The following PLGRKT variants were observed in gnomAD, a reference collection of about 807,000 sequenced individuals.
PLGRKT encodes plasminogen receptor with a C-terminal lysine.
PLGRKT carries 22 observed loss-of-function variants against 18.5 expected under a neutral mutation model. The observed-to-expected ratio is 1.19, with a 90% CI of 0.85 to 1.70. PLGRKT has a LOEUF of 1.70. Among genes scored for constraint, PLGRKT ranks in the 40% most tolerant of loss-of-function variants. PLGRKT has a pLI of 0.00. For missense variants in PLGRKT, 235 were observed against 174.4 expected, an observed-to-expected ratio of 1.35 and a Z score of -1.96; for synonymous variants, 72 against 52.8, an observed-to-expected ratio of 1.36 and a Z score of -1.58.
chr9:5,400,743 A>T (rs1818138689), intron 3 of PLGRKT, among the ~76,000 whole-genome samples: 1 of 152,032 alleles, frequency 6.6e-6, no homozygotes, highest in Non-Finnish European at 1.5e-5. Context: ...TTGTTTAATA[A>T]GCATTGAATA....
chr9:5,373,767 G>A (rs992368943), intron 3 of PLGRKT, among the ~76,000 whole-genome samples: 2 of 151,884 alleles, frequency 1.3e-5, no homozygotes, highest in East Asian at 1.9e-4. Flanking sequence ...ACTAGAGCAA[G>A]GCCCTGTTTC....
chr9:5,423,106 A>T (rs1185217985), intron 3 of PLGRKT, among the ~76,000 whole-genome samples: 1 of 152,204 alleles, frequency 6.6e-6, no homozygotes, highest in Non-Finnish European at 1.5e-5. Context: ...CTTAGAAAAC[A>T]TTTGAAGCCA....
intron 3 of PLGRKT, among the ~76,000 whole-genome samples, chr9:5,402,334 C>T (rs1454591691): frequency 6.6e-6 from 1 of 151,800 alleles, no homozygotes; most frequent in East Asian, 1.9e-4. Context: ...CACCCAGGGG[C>T]TGACAATAGC....
At chr9:5,394,798 T>A (rs1818014864) in intron 3 of PLGRKT, among the ~76,000 whole-genome samples, 1 of 151,910 alleles carries the variant, frequency 6.6e-6, no homozygotes, top group Non-Finnish European at 1.5e-5. Context: ...GTTTCCTGTA[T>A]CAGTGATTTA....
chr9:5,386,419 T>C (rs534583711), intron 3 of PLGRKT, among the ~76,000 whole-genome samples: 17 of 151,962 alleles, frequency 1.1e-4, no homozygotes, highest in African/African-American at 3.6e-4. Flanking sequence ...ATTGTCACAA[T>C]TGAAGTATGC....
At chr9:5,398,948 T>G (rs1048125412) in intron 3 of PLGRKT, among the ~76,000 whole-genome samples, 1 of 151,512 alleles carries the variant, frequency 6.6e-6, no homozygotes, top group African/African-American at 2.4e-5. Context: ...TAAAGGACAT[T>G]TTTATTAGTA....
chr9:5,429,965 G>A (rs1818788880), intron 3 of PLGRKT, among the ~76,000 whole-genome samples: 1 of 152,054 alleles, frequency 6.6e-6, no homozygotes, highest in Non-Finnish European at 1.5e-5. Flanking sequence ...CTCTCCCCCT[G>A]CCACAACCCA....
Position 5,359,660 on chromosome 9 carries a change from C to T in PLGRKT, c.323-1300G>A, listed in dbSNP as rs957932740. Among the ~76,000 whole-genome samples the T allele has an allele frequency of 1.3e-4, 20 of 152,076 alleles. 1 individual carries two copies. The highest frequency in any genetic ancestry group is 1.2e-3 in the Admixed American group (18 of 15,262). On this transcript the variant is annotated intron_variant, in intron 5 of 5. Transcript: ENST00000223864. ...TCATCACTATTAACATGGAAAAAAA[C>T]TATAATCTACATTTTCTAATGTGAT...
intron 3 of PLGRKT, among the ~76,000 whole-genome samples, chr9:5,368,137 T>A (rs1274826865): frequency 2.6e-5 from 4 of 152,212 alleles, no homozygotes; most frequent in Non-Finnish European, 5.9e-5. Flanking sequence ...TTGGTGGGAA[T>A]GTAAATTAAT....
chr9:5,418,684 C>T lies in PLGRKT; in HGVS notation c.81+13213G>A, dbSNP rs1257661510. ...GGAGATGGGCAGGGGCAGCATGTAG[C>T]ACCCACTGCCGGGAAGTCTGATGAA... is the stretch of plus-strand genomic sequence containing the variant. On this transcript the variant is annotated intron_variant, in intron 3 of 5. Coordinates refer to ENST00000223864, the MANE Select transcript of PLGRKT (RefSeq NM_018465.4). The surrounding 1 kb of genome is among the most constrained non-coding windows in gnomAD (Gnocchi z 4.2). 3.0e-6 allele frequency: 2 copies of T among 664,806 alleles called. No individual in the cohort carries two copies. The highest frequency in any genetic ancestry group is 1.8e-5 in the African/African-American group (1 of 56,106). The allele number at this position is 664,806 out of a possible 1,614,324, so 41.2% of individuals were successfully genotyped here.
intron 3 of PLGRKT, among the ~76,000 whole-genome samples, chr9:5,424,691 T>TACACACAC (rs1554634194): frequency 8.5e-5 from 6 of 70,470 alleles, no homozygotes; most frequent in African/African-American, 3.7e-4. Context: ...TATATATATA[T>TACACACAC]ACACACAGGG....
intron 5 of PLGRKT, among the ~76,000 whole-genome samples, chr9:5,358,820 GTTC>G (rs753132487): frequency 1.3e-5 from 2 of 152,062 alleles, no homozygotes; most frequent in Non-Finnish European, 2.9e-5. Flanking sequence ...AATATTAAAT[GTTC>G]TTCAGTCTGT....
At chr9:5,415,353 G>A (rs946972052) in intron 3 of PLGRKT, among the ~76,000 whole-genome samples, 45 of 151,708 alleles carry the variant, frequency 3.0e-4, no homozygotes, top group Non-Finnish European at 3.1e-4. Flanking sequence ...CACAAAGAAG[G>A]GACAGCTCTT....
At chr9:5,390,070 C>G (rs1276928449) in intron 3 of PLGRKT, among the ~76,000 whole-genome samples, 1 of 151,662 alleles carries the variant, frequency 6.6e-6, no homozygotes, top group Non-Finnish European at 1.5e-5. Context: ...GTCAAAGGAA[C>G]CAATGCAGGC....
chr9:5,418,113 T>C lies in PLGRKT; in HGVS notation c.81+13784A>G, dbSNP rs1051499535. ...AAATCAGAAATTACAGTCCATTGAA[T>C]ACATGATTATGAGGATGCATGCAAT... On this transcript the variant is annotated intron_variant, in intron 3 of 5. Coordinates refer to ENST00000223864, the MANE Select transcript of PLGRKT (RefSeq NM_018465.4). This position sits in a 1 kb window ranked among gnomAD's most constrained non-coding sequence, Gnocchi z 4.2. Among the ~76,000 whole-genome samples the C allele has an allele frequency of 6.6e-6, 1 of 152,212 alleles. No homozygotes were observed. Among genetic ancestry groups the C allele is most frequent in the Non-Finnish European group, 1.5e-5 (1 of 68,040 alleles).
intron 2 of PLGRKT, among the ~76,000 whole-genome samples, chr9:5,435,045 T>C (rs1042244592): frequency 1.3e-5 from 2 of 151,914 alleles, no homozygotes; most frequent in African/African-American, 4.8e-5. Context: ...CTGAAACATG[T>C]GCTGTGTCAA....
At chr9:5,422,219 G>C (rs1397288164) in intron 3 of PLGRKT, among the ~76,000 whole-genome samples, 1 of 152,162 alleles carries the variant, frequency 6.6e-6, no homozygotes, top group Non-Finnish European at 1.5e-5. Flanking sequence ...CAGGTTGATG[G>C]GGAAACTTAT....
intron 3 of PLGRKT, among the ~76,000 whole-genome samples, chr9:5,415,951 CAA>C (rs59736004): frequency 2.3e-3 from 314 of 137,398 alleles, no homozygotes; most frequent in Middle Eastern, 3.9e-3. Flanking sequence ...GGTGAAATAT[CAA>C]AAAAAAAAAA....
At chr9:5,383,641 C>T (rs1057512077) in intron 3 of PLGRKT, among the ~76,000 whole-genome samples, 7 of 152,126 alleles carry the variant, frequency 4.6e-5, no homozygotes, top group African/African-American at 1.7e-4. Context: ...GAGATAGTGA[C>T]AGGTCATCAG....
Sources: allele counts gnomAD v4.1 joint callset (sites outside exome capture counted in the v4.1 genomes callset), GRCh38; gene constraint gnomAD v4.1.1; non-coding constraint Gnocchi (gnomAD v3.1); transcripts MANE v1.5; gene names NCBI Gene and HGNC (gene_info 2026-07-23, HGNC 2026-07-21).